The following CLASP1 variants were observed in gnomAD, a reference collection of about 807,000 sequenced individuals.
CLASP1 encodes cytoplasmic linker associated protein 1.
A neutral mutation model predicts 192.3 loss-of-function variants in CLASP1; 38 were observed. That is an observed-to-expected ratio of 0.20 (90% CI 0.15 to 0.26). The LOEUF (loss-of-function observed/expected upper bound fraction) is 0.26. Among genes scored for constraint, CLASP1 ranks in the 10% least tolerant of loss-of-function variants. The pLI is 1.00. For missense variants in CLASP1, 1,433 were observed against 1,932.5 expected, an observed-to-expected ratio of 0.74 and a Z score of 4.85; for synonymous variants, 691 against 712.8, an observed-to-expected ratio of 0.97 and a Z score of 0.49.
chr2:121,517,858 CTTTTT>C (rs70954553), intron 6 of CLASP1, among the ~76,000 whole-genome samples: 1,421 of 30,768 alleles, frequency 0.046, 14 homozygotes, highest in East Asian at 0.12. Context: ...AAGACTCAAG[CTTTTT>C]TTTTTTTTTT....
intron 30 of CLASP1, 182 bp from the exon 32 acceptor site, chr2:121,388,088 G>A: frequency 2.0e-6 from 1 of 505,194 alleles, no homozygotes; most frequent in Non-Finnish European, 3.5e-6. Context: ...CTTCAATCGG[G>A]AAAATAAACT....
chr2:121,381,388 C>T (rs1480883959), intron 33 of CLASP1, among the ~76,000 whole-genome samples: 1 of 151,988 alleles, frequency 6.6e-6, no homozygotes, highest in African/African-American at 2.4e-5. Context: ...GACAGCTGGA[C>T]TGCCCAGTGC....
At chr2:121,441,049 A>G (rs1380706793) in intron 19 of CLASP1, among the ~76,000 whole-genome samples, 12 of 152,154 alleles carry the variant, frequency 7.9e-5, no homozygotes, top group Admixed American at 7.9e-4. Flanking sequence ...TCACATTGCC[A>G]TACCTTCTAG....
chr2:121,362,073 G>C (rs887638380), intron 37 of CLASP1, among the ~76,000 whole-genome samples: 25 of 152,318 alleles, frequency 1.6e-4, no homozygotes, highest in Admixed American at 1.4e-3. Context: ...CTATGTAGAC[G>C]GAAGAATTGT....
chr2:121,454,695 T>C (rs534904590), intron 14 of CLASP1, among the ~76,000 whole-genome samples: 12 of 152,356 alleles, frequency 7.9e-5, no homozygotes, highest in African/African-American at 2.9e-4. Flanking sequence ...TGTAGTATTT[T>C]GTAATGGCAG....
At chr2:121,420,224 C>T (rs1435714158) in intron 22 of CLASP1, among the ~76,000 whole-genome samples, 1 of 152,126 alleles carries the variant, frequency 6.6e-6, no homozygotes, top group Non-Finnish European at 1.5e-5. Flanking sequence ...TTAAGCTCTC[C>T]TTAATTTTGC....
chr2:121,643,974 G>A (rs2072635883), intron 1 of CLASP1, among the ~76,000 whole-genome samples: 2 of 152,132 alleles, frequency 1.3e-5, no homozygotes, highest in African/African-American at 2.4e-5. Context: ...AGGTCCCAAA[G>A]AGATTCCAGT....
intron 30 of CLASP1, among the ~76,000 whole-genome samples, chr2:121,396,059 C>G (rs1336385312): frequency 1.3e-5 from 2 of 152,240 alleles, no homozygotes; most frequent in Non-Finnish European, 2.9e-5. Context: ...TGTCTACGCT[C>G]TGCCCTATAT....
At chr2:121,559,107 T>A (rs926632990) in intron 2 of CLASP1, among the ~76,000 whole-genome samples, 3 of 152,214 alleles carry the variant, frequency 2.0e-5, no homozygotes, top group Admixed American at 2.0e-4. Flanking sequence ...CCACACCTCA[T>A]GAGATGTGCA....
At chr2:121,373,094 A>G (rs150952750) in intron 34 of CLASP1, among the ~76,000 whole-genome samples, 21 of 152,282 alleles carry the variant, frequency 1.4e-4, no homozygotes, top group East Asian at 1.3e-3. Context: ...GCAATTTCCA[A>G]TGTTCGGTGA....
At chr2:121,559,811 T>C (rs918516775) in intron 2 of CLASP1, among the ~76,000 whole-genome samples, 1 of 152,150 alleles carries the variant, frequency 6.6e-6, no homozygotes, top group African/African-American at 2.4e-5. Context: ...AACCACTTAA[T>C]TGTAAACTAT....
At chr2:121,372,311 G>A (rs144842601) in intron 34 of CLASP1, among the ~76,000 whole-genome samples, 1 of 152,230 alleles carries the variant, frequency 6.6e-6, no homozygotes, top group East Asian at 1.9e-4. Flanking sequence ...TCTCCCTCCT[G>A]TCAGCTCTAG....
intron 7 of CLASP1, among the ~76,000 whole-genome samples, chr2:121,509,399 C>T (rs2094043555): frequency 6.6e-6 from 1 of 152,274 alleles, no homozygotes; most frequent in East Asian, 1.9e-4. Flanking sequence ...GTCTTGCACT[C>T]CTGGGCTCAA....
At chr2:121,425,376 G>C (rs913755344) in intron 21 of CLASP1, 70 bp from the exon 22 acceptor site, 1 of 1,372,248 alleles carries the variant, frequency 7.3e-7, no homozygotes, top group Non-Finnish European at 9.9e-7. Context: ...ACTTTCAAAA[G>C]CCAGATTTTA....
intron 30 of CLASP1, 133 bp downstream of exon 31, chr2:121,397,007 G>C: frequency 1.2e-6 from 1 of 801,024 alleles, no homozygotes; most frequent in Non-Finnish European, 2.0e-6. Context: ...GCTGGAGAGA[G>C]AAAAGGGCAA....
At chr2:121,363,422 C>A in intron 36 of CLASP1, 122 bp from the exon 38 acceptor site, 1 of 1,094,260 alleles carries the variant, frequency 9.1e-7, no homozygotes, top group Non-Finnish European at 1.3e-6. Flanking sequence ...TCGCAGAACC[C>A]TCTAAACAGA....
chr2:121,578,955 A>T (rs2060845339), intron 2 of CLASP1, among the ~76,000 whole-genome samples: 1 of 152,176 alleles, frequency 6.6e-6, no homozygotes, highest in South Asian at 2.1e-4. Flanking sequence ...AAAGTGTACA[A>T]TTCAGTAATT....
intron 30 of CLASP1, among the ~76,000 whole-genome samples, chr2:121,391,455 A>G (rs2074329685): frequency 1.3e-5 from 2 of 152,274 alleles, no homozygotes; most frequent in African/African-American, 4.8e-5. Flanking sequence ...AGATAAAATC[A>G]GCAAGACACA....
intron 2 of CLASP1, among the ~76,000 whole-genome samples, chr2:121,544,977 T>C (rs1400527495): frequency 1.3e-5 from 2 of 151,740 alleles, no homozygotes; most frequent in Non-Finnish European, 2.9e-5. Flanking sequence ...AGTGATGGGA[T>C]CTTGGCTCAT....
Sources: gnomAD v4.1 joint callset for allele counts (sites outside exome capture counted in the v4.1 genomes callset) on GRCh38, gnomAD v4.1.1 for gene constraint, MANE v1.5 for transcripts, NCBI Gene and HGNC (gene_info 2026-07-23, HGNC 2026-07-21) for gene names.